The following KIF19 variants were observed in gnomAD, a reference collection of about 807,000 sequenced individuals.
The protein encoded by KIF19 is kinesin family member 19, also known as kinesin-like protein KIF19.
A neutral mutation model predicts 106.6 loss-of-function variants in KIF19; 98 were observed. That is an observed-to-expected ratio of 0.92 (90% CI 0.78 to 1.09). The LOEUF (loss-of-function observed/expected upper bound fraction) is 1.09, where lower values mean the gene tolerates loss of function less well. KIF19 is among the 50% of genes least tolerant of loss of function. The probability of loss-of-function intolerance (pLI) is 0.00; values close to 1 mark genes in which losing one functional copy is unlikely to be tolerated. For synonymous variants in KIF19, 516 were observed against 584.2 expected (o/e 0.88, Z 1.68); for missense variants, 1,373 against 1,414.3 (o/e 0.97, Z 0.47).
At chr17:74,343,968 G>A (rs575251623) in intron 5 of KIF19, among the ~76,000 whole-genome samples, 2 of 152,282 alleles carry the variant, frequency 1.3e-5, no homozygotes, top group Admixed American at 6.5e-5. Flanking sequence ...TCTGGAAAGG[G>A]GTGCTCCTTG....
chr17:74,347,751 A>G (rs2144272707), intron 8 of KIF19, 26 bp from the exon 9 acceptor site: 1 of 1,583,362 alleles, frequency 6.3e-7, no homozygotes, highest in Non-Finnish European at 8.6e-7. Flanking sequence ...GGCAGTCCCC[A>G]CTGACCACAG....
rs2054525981 is a variant in KIF19 at position 74,346,218 on chromosome 17, C to T, written c.778-160C>T. Reference sequence around the variant, plus strand: ...TTCAGAGGCCTCTGGGTCTCTTAACCTTCTCCAATGCCCTCAGTGGCCTTG... The same window carrying T: ...TTCAGAGGCCTCTGGGTCTCTTAACTTTCTCCAATGCCCTCAGTGGCCTTG... On this transcript the variant is annotated intron_variant, in intron 7 of 19. Coordinates refer to ENST00000389916, the MANE Select transcript of KIF19 (RefSeq NM_153209.4). This position sits in a 1 kb window ranked among gnomAD's most constrained non-coding sequence, Gnocchi z 4.6. 6.6e-6 allele frequency among the ~76,000 whole-genome samples: 1 copy of T among 152,248 alleles called. No individual in the cohort carries two copies. The highest frequency in any genetic ancestry group is 2.1e-4 in the South Asian group (1 of 4,836).
At chr17:74,334,569 T>C (rs1222282786) in intron 2 of KIF19, among the ~76,000 whole-genome samples, 1 of 152,166 alleles carries the variant, frequency 6.6e-6, no homozygotes, top group Admixed American at 6.5e-5. Flanking sequence ...CCAGCTGGGC[T>C]TTGGTGGCTT....
At chr17:74,336,804 A>G (rs1453529581) in intron 2 of KIF19, among the ~76,000 whole-genome samples, 1 of 152,072 alleles carries the variant, frequency 6.6e-6, no homozygotes, top group African/African-American at 2.4e-5. Context: ...TGATAATAAG[A>G]GTGCCCTCTC....
chr17:74,345,451 A>T (rs1236155740), intron 7 of KIF19, among the ~76,000 whole-genome samples: 1 of 152,052 alleles, frequency 6.6e-6, no homozygotes, highest in African/African-American at 2.4e-5. Flanking sequence ...GGTCCCCGTC[A>T]CCCATTTCTG....
chr17:74,342,792 C>A, intron 4 of KIF19, 75 bp downstream of exon 4: 1 of 1,410,824 alleles, frequency 7.1e-7, no homozygotes. Flanking sequence ...ACTAGTCTGA[C>A]CCCAGCTGGA....
rs1221570523 is a variant in KIF19 at position 74,353,477 on chromosome 17, A to C, written c.2221-17A>C. 2 of 1,612,196 alleles carry C rather than the reference A, an allele frequency of 1.2e-6. No individual in the cohort carries two copies. The highest frequency in any genetic ancestry group is 2.2e-5 in the South Asian group (2 of 90,968). On this transcript the variant is annotated splice_polypyrimidine_tract_variant and intron_variant, in intron 16 of 19. Transcript: ENST00000389916. Reference sequence around the variant, plus strand: ...TGTGTTTAAGGGTTTCCTCCTCCCAACCACTCCACCCCACAGGCCCCGGCT... The same window carrying C: ...TGTGTTTAAGGGTTTCCTCCTCCCACCCACTCCACCCCACAGGCCCCGGCT...
chr17:74,340,555 G>GCACACACACACACACACACACA, intron 2 of KIF19, among the ~76,000 whole-genome samples: 249 of 148,300 alleles, frequency 1.7e-3, no homozygotes, highest in African/African-American at 5.8e-3. Context: ...ATGCGCGCGC[G>GCACACACACACACACACACACA]TACACACACA....
chr17:74,346,490 A>G lies in KIF19; in HGVS notation c.890A>G (p.Asn297Ser). The G allele has an allele frequency of 6.4e-7, 1 of 1,551,574 alleles. No homozygotes were observed. Among genetic ancestry groups the G allele is most frequent in the Non-Finnish European group, 8.7e-7 (1 of 1,147,218 alleles). Residue 297 changes from asparagine to serine, a missense_variant, in exon 8 of 20, where the codon AAC becomes AGC. Asn to Ser is a conservative substitution (Grantham distance 46). Around this residue, in one of 3 missense-constraint regions of KIF19, gnomAD observed 1,020 missense variants for 1,008.2 expected, o/e 1.01. Transcript: ENST00000389916. This position sits in a 1 kb window ranked among gnomAD's most constrained non-coding sequence, Gnocchi z 4.6. ...LSDKGSNKYI[N>S]YRDSKLTRLL... ...GACAAGGGTAGCAACAAGTACATCA[A>G]CTATCGCGACAGCAAGCTCACCCGG...
chr17:74,334,932 A>C (rs931937631), intron 2 of KIF19, among the ~76,000 whole-genome samples: 1 of 152,074 alleles, frequency 6.6e-6, no homozygotes, highest in Non-Finnish European at 1.5e-5. Context: ...GTATAATATG[A>C]TTTCTCCTCT....
At chr17:74,354,011 A>C in intron 17 of KIF19, 151 bp from the exon 18 acceptor site, 3 of 809,516 alleles carry the variant, frequency 3.7e-6, no homozygotes, top group African/African-American at 1.7e-5. Flanking sequence ...GAGGCTCGGA[A>C]ATGGGCCCAA....
chr17:74,327,617 CA>C (rs1440564957), intron 1 of KIF19, among the ~76,000 whole-genome samples: 3 of 152,196 alleles, frequency 2.0e-5, no homozygotes, highest in African/African-American at 7.2e-5. Flanking sequence ...GGATAACAGG[CA>C]TGCACCACCA....
chr17:74,353,832 G>C (rs111574831), intron 17 of KIF19, among the ~76,000 whole-genome samples: 366 of 152,328 alleles, frequency 2.4e-3, no homozygotes, highest in African/African-American at 8.1e-3. Context: ...ATGTGGCATG[G>C]AGACTTATGT....
In KIF19 at chr17:74,353,262, C is replaced by T. The variant is rs374897418; in HGVS notation, c.2181C>T (p.Thr727=). The change falls in exon 16 of 20, where the codon ACC becomes ACT. Residue 727 remains threonine (T), a synonymous_variant. Coordinates refer to ENST00000389916, the MANE Select transcript of KIF19 (RefSeq NM_153209.4). Reference sequence around the variant, plus strand: ...AGGCAAAAAGCTCCTCTGTGCCCACCCCACCTCCCATCCAGCTCGGCAGCC... The same window carrying T: ...AGGCAAAAAGCTCCTCTGTGCCCACTCCACCTCCCATCCAGCTCGGCAGCC... ...AWQAKSSSVP[T]PPPIQLGSLV... is the part of the protein sequence containing the mutation. 11 of 1,581,512 alleles carry T rather than the reference C, an allele frequency of 7.0e-6. No homozygotes were observed. The Middle Eastern group carries it at 5.0e-4, about 71-fold the overall frequency.
intron 2 of KIF19, among the ~76,000 whole-genome samples, chr17:74,337,687 A>G (rs545657604): frequency 6.6e-6 from 1 of 152,270 alleles, no homozygotes; most frequent in East Asian, 1.9e-4. Flanking sequence ...GGCACTTTCC[A>G]GGTTATTGAC....
chr17:74,335,600 G>A (rs556714093), intron 2 of KIF19, among the ~76,000 whole-genome samples: 18 of 152,374 alleles, frequency 1.2e-4, no homozygotes, highest in Non-Finnish European at 2.2e-4. Flanking sequence ...TAAGAGCAGG[G>A]CTGGGAGAGG....
chr17:74,340,555 G>GCGCACACACACACACACACACACA lies in KIF19; in HGVS notation c.121-1321_121-1320insCGCACACACACACACACACACACA. 6.2e-3 allele frequency among the ~76,000 whole-genome samples: 914 copies of GCGCACACACACACACACACACACA among 148,278 alleles called. 7 individuals are homozygous for GCGCACACACACACACACACACACA. Among genetic ancestry groups the GCGCACACACACACACACACACACA allele is most frequent in the African/African-American group, 0.022 (873 of 39,916 alleles). On this transcript the variant is annotated intron_variant, in intron 2 of 19. Coordinates refer to ENST00000389916, the MANE Select transcript of KIF19 (RefSeq NM_153209.4). The stretch of plus-strand genomic sequence containing the variant: ...CACGTGCCAGCAGGTATGCGCGCGC[G>GCGCACACACACACACACACACACA]TACACACACACACACACACTGCTGC...
At chr17:74,342,873 C>T in intron 4 of KIF19, 151 bp from the exon 5 acceptor site, 1 of 1,172,090 alleles carries the variant, frequency 8.5e-7, no homozygotes, top group Non-Finnish European at 1.2e-6. Context: ...CCAACCCGAG[C>T]CGGGGCATCA....
At chr17:74,344,480 T>TCCCCTCCTTGCTGCCACTCA in intron 6 of KIF19, 132 bp downstream of exon 6, 1 of 1,394,588 alleles carries the variant, frequency 7.2e-7, no homozygotes, top group Non-Finnish European at 9.7e-7. Context: ...GAATCCTGAG[T>TCCCCTCCTTGCTGCCACTCA]GGCAGCAAGG....
Sources: allele counts gnomAD v4.1 joint callset (sites outside exome capture counted in the v4.1 genomes callset), GRCh38; gene constraint gnomAD v4.1.1; regional missense constraint gnomAD v4.1.1; non-coding constraint Gnocchi (gnomAD v3.1); transcripts MANE v1.5; gene names NCBI Gene and HGNC (gene_info 2026-07-23, HGNC 2026-07-21).